Variants in CADPS2 observed in about 807,000 individuals in gnomAD.
The protein encoded by CADPS2 is calcium-dependent secretion activator 2.
A neutral mutation model predicts 172.5 loss-of-function variants in CADPS2; 93 were observed. That is an observed-to-expected ratio of 0.54 (90% CI 0.46 to 0.64). CADPS2 has a LOEUF of 0.64. Among genes scored for constraint, CADPS2 ranks in the 30% least tolerant of loss-of-function variants. The probability of loss-of-function intolerance (pLI) is 0.00; values close to 1 mark genes in which losing one functional copy is unlikely to be tolerated. For missense variants in CADPS2, 1,420 were observed against 1,565.9 expected (o/e 0.91, Z 1.57); for synonymous variants, 546 against 555.2 (o/e 0.98, Z 0.23).
At chr7:122,498,265 T>C (rs992007199) in intron 9 of CADPS2, among the ~76,000 whole-genome samples, 1 of 152,222 alleles carries the variant, frequency 6.6e-6, no homozygotes, top group Admixed American at 6.5e-5. Context: ...CTCTTCTTTA[T>C]GATTGTTCTT....
chr7:122,326,262 GA>G (rs1475304594), intron 28 of CADPS2, among the ~76,000 whole-genome samples: 4 of 152,132 alleles, frequency 2.6e-5, no homozygotes, highest in African/African-American at 9.6e-5. Context: ...AATTATGAAT[GA>G]AAAGGATGTG....
intron 14 of CADPS2, among the ~76,000 whole-genome samples, chr7:122,451,727 C>T (rs779454910): frequency 1.3e-5 from 2 of 151,934 alleles, no homozygotes; most frequent in African/African-American, 2.4e-5. Context: ...CCAGATCTAC[C>T]GAAAACAATG....
intron 9 of CADPS2, among the ~76,000 whole-genome samples, chr7:122,496,786 A>T (rs953336933): frequency 3.1e-4 from 47 of 152,136 alleles, no homozygotes; most frequent in African/African-American, 1.1e-3. Context: ...TTGTTTGCTT[A>T]AAAAGAGTGC....
intron 20 of CADPS2, 104 bp from the exon 21 acceptor site, chr7:122,393,686 G>A (rs1467800173): frequency 8.5e-7 from 1 of 1,181,576 alleles, no homozygotes; most frequent in Non-Finnish European, 1.2e-6. Flanking sequence ...TGACACAGAA[G>A]AACTGATAAA....
At chr7:122,556,397 C>T (rs983651630) in intron 7 of CADPS2, among the ~76,000 whole-genome samples, 4 of 152,074 alleles carry the variant, frequency 2.6e-5, no homozygotes, top group Non-Finnish European at 4.4e-5. Flanking sequence ...ACACCCATCC[C>T]CCACACCAAC....
intron 1 of CADPS2, among the ~76,000 whole-genome samples, chr7:122,852,783 T>C (rs1563177583): frequency 6.6e-6 from 1 of 152,058 alleles, no homozygotes; most frequent in South Asian, 2.1e-4. Flanking sequence ...GGGAGTGAGA[T>C]GGAACCCACT....
At chr7:122,381,991 T>C (rs1042429292) in intron 24 of CADPS2, among the ~76,000 whole-genome samples, 3 of 152,136 alleles carry the variant, frequency 2.0e-5, no homozygotes, top group Admixed American at 6.6e-5. Flanking sequence ...CTGCTCTGGC[T>C]GTGCAGTTGG....
At chr7:122,880,160 A>C (rs543170645) in intron 1 of CADPS2, among the ~76,000 whole-genome samples, 1 of 152,242 alleles carries the variant, frequency 6.6e-6, no homozygotes, top group Admixed American at 6.5e-5. Context: ...GGAATTACTG[A>C]GTGTCAGCTC....
chr7:122,488,258 A>G (rs2058011849), intron 11 of CADPS2, among the ~76,000 whole-genome samples: 2 of 152,294 alleles, frequency 1.3e-5, no homozygotes, highest in South Asian at 4.1e-4. Flanking sequence ...TCCAGAGGAA[A>G]AAAGTTCTAC....
At chr7:122,838,302 G>A (rs1197229272) in intron 1 of CADPS2, among the ~76,000 whole-genome samples, 2 of 152,164 alleles carry the variant, frequency 1.3e-5, no homozygotes, top group African/African-American at 4.8e-5. Context: ...AGCTATTTAT[G>A]ACAAACCCAC....
At chr7:122,707,143 T>C (rs1355206119) in intron 2 of CADPS2, among the ~76,000 whole-genome samples, 3 of 151,756 alleles carry the variant, frequency 2.0e-5, no homozygotes, top group Non-Finnish European at 2.9e-5. Flanking sequence ...AAAGGAATAA[T>C]ACTTAACCAT....
At position 122,480,149 on chromosome 7, in the gene CADPS2, C is replaced by G. The variant is rs571648137; in HGVS notation, c.1861+703G>C. Reference sequence around the variant, plus strand: ...ACCAGCCTCTTCCCCACCCCTTCAGCTCACTCTCTTCCCTTAGAATTTTTA... The same window carrying G: ...ACCAGCCTCTTCCCCACCCCTTCAGGTCACTCTCTTCCCTTAGAATTTTTA... On this transcript the variant is annotated intron_variant, in intron 12 of 29. Transcript: ENST00000449022. The G allele has an allele frequency of 1.9e-5, 9 of 470,656 alleles. No individual in the cohort carries two copies. In the East Asian group the frequency reaches 6.3e-4, roughly 33 times the overall value. 29.2% of individuals were successfully genotyped at this position (470,656 alleles called of 1,614,324 possible).
intron 8 of CADPS2, among the ~76,000 whole-genome samples, chr7:122,549,039 T>G (rs544798231): frequency 6.6e-6 from 1 of 152,340 alleles, no homozygotes; most frequent in South Asian, 2.1e-4. Flanking sequence ...TACATTTCTA[T>G]TTTTCTCATT....
At chr7:122,701,873 C>T (rs2136278014) in intron 2 of CADPS2, 2 of 1,612,884 alleles carry the variant, frequency 1.2e-6, no homozygotes, top group Non-Finnish European at 1.7e-6. Flanking sequence ...GGGACATGTC[C>T]TATGGGCTAA....
chr7:122,751,300 T>C (rs1484225470), intron 1 of CADPS2, among the ~76,000 whole-genome samples: 2 of 152,044 alleles, frequency 1.3e-5, no homozygotes, highest in African/African-American at 2.4e-5. Context: ...TCTAAAATGC[T>C]AACATCTATG....
At position 122,407,898 on chromosome 7, in the gene CADPS2, G is replaced by A. The variant is rs572074680; in HGVS notation, c.2590-202C>T. 4 of 527,936 alleles carry A rather than the reference G, an allele frequency of 7.6e-6. No homozygotes were observed. In the East Asian group the frequency reaches 1.2e-4, roughly 16 times the overall value. 32.7% of individuals were successfully genotyped at this position (527,936 alleles called of 1,614,324 possible). A position where few individuals can be genotyped will look rare whatever the true frequency, so the allele number is the denominator to read the frequency against. ...AGATTTGGCACTGAGGAATGAAATAGAAAATAGAATTAAAATGTACAAGGA... is the reference window on the plus strand; with the variant it reads ...AGATTTGGCACTGAGGAATGAAATAAAAAATAGAATTAAAATGTACAAGGA... On this transcript the variant is annotated intron_variant, in intron 19 of 29. Coordinates refer to ENST00000449022, the MANE Select transcript of CADPS2 (RefSeq NM_017954.11).
At chr7:122,354,022 T>A (rs377007409) in intron 27 of CADPS2, among the ~76,000 whole-genome samples, 1 of 152,068 alleles carries the variant, frequency 6.6e-6, no homozygotes, top group Non-Finnish European at 1.5e-5. Context: ...CATAAGCCAC[T>A]ATTTCCAGAT....
intron 27 of CADPS2, among the ~76,000 whole-genome samples, chr7:122,345,910 G>A (rs932771692): frequency 4.3e-5 from 5 of 116,132 alleles, no homozygotes; most frequent in African/African-American, 6.6e-5. Flanking sequence ...TTGTAGATCC[G>A]TAGATATCTT....
At chr7:122,380,446 G>T (rs1348208042) in intron 24 of CADPS2, among the ~76,000 whole-genome samples, 1 of 151,480 alleles carries the variant, frequency 6.6e-6, no homozygotes, top group Non-Finnish European at 1.5e-5. Flanking sequence ...GGTTTCTTAA[G>T]ATGTAAGTTT....
Sources: gnomAD v4.1 joint callset for allele counts (sites outside exome capture counted in the v4.1 genomes callset) on GRCh38, gnomAD v4.1.1 for gene constraint, MANE v1.5 for transcripts, NCBI Gene and HGNC (gene_info 2026-07-23, HGNC 2026-07-21) for gene names.